The following NBEAL2 variants were observed in gnomAD, a reference collection of about 807,000 sequenced individuals.
NBEAL2 encodes the protein neurobeachin like 2, also known as neurobeachin-like protein 2.
In NBEAL2, 160 loss-of-function variants were observed where a neutral mutation model predicts 299.8. That is an observed-to-expected ratio of 0.53 (90% CI 0.47 to 0.61). NBEAL2 has a LOEUF of 0.61. Ranked by LOEUF, NBEAL2 falls within the 20% of genes least tolerant of loss-of-function variation. NBEAL2 has a pLI of 0.00. For synonymous variants in NBEAL2, 1,493 were observed against 1,542.3 expected, an observed-to-expected ratio of 0.97 and a Z score of 0.75; for missense variants, 3,112 against 3,649.0, an observed-to-expected ratio of 0.85 and a Z score of 3.79.
In NBEAL2 at chr3:47,008,330, G is replaced by A. The variant is rs1018503662; in HGVS notation, c.7767G>A (p.Ala2589=). The change falls in exon 51 of 54, where the codon GCG becomes GCA. Residue 2589 remains alanine, a synonymous_variant. Transcript: ENST00000450053. The part of the protein sequence containing the change: ...IHTVRRGQFV[A]ALRPLGATFP... Reference sequence around the variant, plus strand: ...CTGTACGCCGCGGACAGTTTGTAGCGGCACTACGGCCTCTGGGTGCCACAT... The same window carrying A: ...CTGTACGCCGCGGACAGTTTGTAGCAGCACTACGGCCTCTGGGTGCCACAT... The A allele has an allele frequency of 9.3e-6, 15 of 1,613,168 alleles. No individual in the cohort carries two copies. Among genetic ancestry groups the A allele is most frequent in the African/African-American group, 8.0e-5 (6 of 74,928 alleles).
chr3:46,997,185 G>A, intron 18 of NBEAL2, 74 bp from the exon 19 acceptor site: 2 of 1,584,846 alleles, frequency 1.3e-6, no homozygotes, highest in South Asian at 2.2e-5. Context: ...TTCCTTTCTG[G>A]GTGGTCTGCT....
chr3:46,989,630 C>G lies in NBEAL2; in HGVS notation c.556+37C>G, dbSNP rs747817191. The G allele has an allele frequency of 2.3e-5, 35 of 1,529,418 alleles. No homozygotes were observed. The East Asian group carries it at 8.5e-4, about 37-fold the overall frequency. 94.7% of individuals were successfully genotyped at this position (1,529,418 alleles called of 1,614,324 possible). On this transcript the variant is annotated intron_variant, in intron 6 of 53. Coordinates refer to ENST00000450053, the MANE Select transcript of NBEAL2 (RefSeq NM_015175.3). This position sits in a 1 kb window ranked among gnomAD's most constrained non-coding sequence, Gnocchi z 5.5. The stretch of plus-strand genomic sequence containing the variant: ...CCCCTGCCCCCACTTGGCTCCACCC[C>G]CAAACCTAGGCCCCTTCCTGTCGTT...
At position 47,002,687 on chromosome 3, in the gene NBEAL2, G is replaced by A; in HGVS notation, c.5344G>A (p.Gly1782Arg). Residue 1782 changes from glycine to arginine, a missense_variant, in exon 33 of 54, where the codon GGG (glycine) becomes AGG (arginine). Coordinates refer to ENST00000450053, the MANE Select transcript of NBEAL2 (RefSeq NM_015175.3). Reference sequence around the variant, plus strand: ...TGCGCAGAGGCGGGCGCGCCTGGAGGGGCTACGCTACACGGCAGTGCTGAA... The same window carrying A: ...TGCGCAGAGGCGGGCGCGCCTGGAGAGGCTACGCTACACGGCAGTGCTGAA... The part of the protein sequence containing the change: ...EPAQRRARLE[G>R]LRYTAVLKQQ... 1 of 1,605,116 alleles carries A rather than the reference G, an allele frequency of 6.2e-7. No homozygotes were observed. Among genetic ancestry groups the A allele is most frequent in the South Asian group, 1.1e-5 (1 of 90,090 alleles).
At position 47,004,181 on chromosome 3, in the gene NBEAL2, G is replaced by C; in HGVS notation, c.5986G>C (p.Ala1996Pro). The C allele has an allele frequency of 6.2e-7, 1 of 1,613,758 alleles. No homozygotes were observed. The highest frequency in any genetic ancestry group is 8.5e-7 in the Non-Finnish European group (1 of 1,179,818). The change falls in exon 37 of 54, where the codon GCC becomes CCC. Residue 1996 changes from alanine (A) to proline (P), a missense_variant. Physicochemically the swap from Ala to Pro is conservative, Grantham distance 27. This residue lies in a region of NBEAL2 where 521 missense variants were observed against 729.6 expected (regional missense o/e 0.71). Transcript: ENST00000450053. This position sits in a 1 kb window ranked among gnomAD's most constrained non-coding sequence, Gnocchi z 5.0. ...SALELFFIDQ[A>P]NYFLNFPCKV... ...ACTTGAGCTCTTCTTTATCGATCAG[G>C]CCAACTACTTCCTCAACTTCCCATG...
rs1330428779 is a variant in NBEAL2, at chr3:46,997,659, CA to C, written c.2924del (p.Gln975ArgfsTer20). ...MVNQESLVQC[Q>X]GPAIIGALLR... ...GAACCAAGAGAGCCTGGTGCAGTGCCAGGGGCCTGCCATCATCGGGGCCCTC... is the reference window on the plus strand; with the variant it reads ...GAACCAAGAGAGCCTGGTGCAGTGCCGGGGCCTGCCATCATCGGGGCCCTC... On this transcript the variant is annotated frameshift_variant, in exon 20 of 54. Transcript: ENST00000450053. LOFTEE classifies it high-confidence loss of function. 6.4e-7 allele frequency: 1 copy of C among 1,571,500 alleles called. No individual in the cohort carries two copies. Among genetic ancestry groups the C allele is most frequent in the Non-Finnish European group, 8.7e-7 (1 of 1,154,342 alleles).
In NBEAL2 at chr3:46,989,648, C is replaced by G; in HGVS notation, c.556+55C>G. On this transcript the variant is annotated intron_variant, in intron 6 of 53. Coordinates refer to ENST00000450053, the MANE Select transcript of NBEAL2 (RefSeq NM_015175.3). The surrounding 1 kb of genome is among the most constrained non-coding windows in gnomAD (Gnocchi z 5.5). ...TCCACCCCCAAACCTAGGCCCCTTC[C>G]TGTCGTTCCTTGATCCTGCCATACA... The G allele has an allele frequency of 6.8e-7, 1 of 1,468,134 alleles. No individual in the cohort carries two copies. The highest frequency in any genetic ancestry group is 1.2e-5 in the South Asian group (1 of 82,382). 90.9% of individuals were successfully genotyped at this position (1,468,134 alleles called of 1,614,324 possible). A position where few individuals can be genotyped will look rare whatever the true frequency, so the allele number is the denominator to read the frequency against.
At chr3:46,985,599 CTG>C (rs1163984346) in intron 1 of NBEAL2, among the ~76,000 whole-genome samples, 1 of 152,236 alleles carries the variant, frequency 6.6e-6, no homozygotes, top group Non-Finnish European at 1.5e-5. Context: ...GTTGGGGTCT[CTG>C]TGGTGGTGCA....
In NBEAL2 at chr3:46,997,623, G is replaced by T. The variant is rs368638331; in HGVS notation, c.2887G>T (p.Gly963Cys). ...GCTGATGCTGCGGAACTTCCTTCAG[G>T]GTCACATGGTGAACCAAGAGAGCCT... is the stretch of plus-strand genomic sequence containing the variant. ...FLLMLRNFLQ[G>C]HMVNQESLVQ... is the part of the protein sequence containing the mutation. The change falls in exon 20 of 54, where the codon GGT becomes TGT. Residue 963 changes from glycine to cysteine, a missense_variant. Coordinates refer to ENST00000450053, the MANE Select transcript of NBEAL2 (RefSeq NM_015175.3). 5.2e-5 allele frequency: 83 copies of T among 1,597,308 alleles called. No individual in the cohort carries two copies. Among genetic ancestry groups the T allele is most frequent in the Non-Finnish European group, 7.1e-5 (83 of 1,168,062 alleles).
chr3:46,991,162 T>C lies in NBEAL2; in HGVS notation c.557-57T>C. On this transcript the variant is annotated intron_variant, in intron 6 of 53. Coordinates refer to ENST00000450053, the MANE Select transcript of NBEAL2 (RefSeq NM_015175.3). This position sits in a 1 kb window ranked among gnomAD's most constrained non-coding sequence, Gnocchi z 6.2. ...GGCACTCACCTCTTGTGCAGCCCCC[T>C]GGGTCCATAGCCCTGCAACCTTGGT... 6.8e-7 allele frequency: 1 copy of C among 1,475,040 alleles called. No individual in the cohort carries two copies. The highest frequency in any genetic ancestry group is 9.3e-7 in the Non-Finnish European group (1 of 1,073,868). 91.4% of individuals were successfully genotyped at this position (1,475,040 alleles called of 1,614,324 possible).
In NBEAL2 at chr3:46,995,772, G is replaced by T. The variant is rs2036451573; in HGVS notation, c.1957G>T (p.Val653Leu). 3 of 1,613,650 alleles carry T rather than the reference G, an allele frequency of 1.9e-6. No individual in the cohort carries two copies. The highest frequency in any genetic ancestry group is 1.7e-5 in the Admixed American group (1 of 60,000). ...EAFFTAAGTL[V>L]VAVCTRKEYL... Reference sequence around the variant, plus strand: ...CTTCTTCACGGCGGCCGGGACCCTGGTGGTGGCTGTGTGCACACGGAAGGA... The same window carrying T: ...CTTCTTCACGGCGGCCGGGACCCTGTTGGTGGCTGTGTGCACACGGAAGGA... Residue 653 changes from valine to leucine, a missense_variant, in exon 14 of 54, where the codon GTG (valine) becomes TTG (leucine). Physicochemically the swap from Val to Leu is conservative, Grantham distance 32. This residue lies in a region of NBEAL2 where 2,243 missense variants were observed against 2,538.1 expected (regional missense o/e 0.88). Transcript: ENST00000450053.
chr3:46,979,859 G>C lies in NBEAL2; in HGVS notation c.-3G>C, dbSNP rs1366540100. 12 of 467,098 alleles carry C rather than the reference G, an allele frequency of 2.6e-5. No individual in the cohort carries two copies. The highest frequency in any genetic ancestry group is 4.6e-5 in the Non-Finnish European group (12 of 259,916). 28.9% of individuals were successfully genotyped at this position (467,098 alleles called of 1,614,324 possible). A position where few individuals can be genotyped will look rare whatever the true frequency, so the allele number is the denominator to read the frequency against. ...CGCAGCAGGGCCGGAGCCGGGCCGGGCCATGGCCGCCTCGGAGCGGCTGTA... is the reference window on the plus strand; with the variant it reads ...CGCAGCAGGGCCGGAGCCGGGCCGGCCCATGGCCGCCTCGGAGCGGCTGTA... On this transcript the variant is annotated 5_prime_UTR_variant, in exon 1 of 54. Coordinates refer to ENST00000450053, the MANE Select transcript of NBEAL2 (RefSeq NM_015175.3).
chr3:46,994,289 T>TC (rs947471553), intron 11 of NBEAL2, among the ~76,000 whole-genome samples, 166 bp from the exon 12 acceptor site: 3 of 151,506 alleles, frequency 2.0e-5, no homozygotes, highest in African/African-American at 2.4e-5. Context: ...TGTACTCACG[T>TC]CCCCCCCATC....
At chr3:46,984,240 A>G (rs571131583) in intron 1 of NBEAL2, among the ~76,000 whole-genome samples, 1 of 152,110 alleles carries the variant, frequency 6.6e-6, no homozygotes, top group African/African-American at 2.4e-5. Flanking sequence ...TGGGAGGCGG[A>G]GCTTGCAGTG....
intron 22 of NBEAL2, 38 bp from the exon 23 acceptor site, chr3:46,998,679 C>G: frequency 6.4e-7 from 1 of 1,557,586 alleles, no homozygotes; most frequent in Non-Finnish European, 8.7e-7. Flanking sequence ...CCCCGCCTTT[C>G]TTTGGGACCT....
In NBEAL2 at chr3:46,998,840, C is replaced by A; in HGVS notation, c.3345C>A (p.Thr1115=). 1 of 1,581,368 alleles carries A rather than the reference C, an allele frequency of 6.3e-7. No homozygotes were observed. The highest frequency in any genetic ancestry group is 2.3e-5 in the East Asian group (1 of 43,180). ...LSADDVQVTQ[T]MLSFLAATGD... is the part of the protein sequence containing the mutation. ...CAGATGACGTGCAGGTCACGCAGAC[C>A]ATGCTGAGCTTTTTGGCGGCCACAG... Residue 1115 remains threonine (T), a synonymous_variant, in exon 23 of 54, where the codon ACC becomes ACA. Coordinates refer to ENST00000450053, the MANE Select transcript of NBEAL2 (RefSeq NM_015175.3).
rs765594960 is a variant in NBEAL2 at position 46,989,091 on chromosome 3, G to A, written c.276G>A (p.Leu92=). 1.2e-6 allele frequency: 2 copies of A among 1,613,782 alleles called. No individual in the cohort carries two copies. The highest frequency in any genetic ancestry group is 3.3e-5 in the Admixed American group (2 of 59,992). ...LKLFIILCRN[L]ENIEAGRGQV... is the part of the protein sequence containing the mutation. ...TCATCATTGACTCCCCCAGGAACCT[G>A]GAGAACATAGAGGCAGGCCGGGGCC... Residue 92 remains leucine, a synonymous_variant, in exon 4 of 54, where the codon CTG becomes CTA. Coordinates refer to ENST00000450053, the MANE Select transcript of NBEAL2 (RefSeq NM_015175.3). This position sits in a 1 kb window ranked among gnomAD's most constrained non-coding sequence, Gnocchi z 5.5.
In NBEAL2 at chr3:46,989,367, G is replaced by A. The variant is rs2107294763; in HGVS notation, c.459G>A (p.Arg153=). ...TCTTTGACCCTTACCAAACCTGGCG[G>A]CGCCAGCGCAGTGGGTGAGACCCAG... ...EGLFDPYQTW[R]RQRSGEVISS... Residue 153 remains arginine (R), a synonymous_variant, in exon 5 of 54, where the codon CGG becomes CGA. Coordinates refer to ENST00000450053, the MANE Select transcript of NBEAL2 (RefSeq NM_015175.3). This position sits in a 1 kb window ranked among gnomAD's most constrained non-coding sequence, Gnocchi z 5.5. 2 of 1,579,060 alleles carry A rather than the reference G, an allele frequency of 1.3e-6. No individual in the cohort carries two copies. Among genetic ancestry groups the A allele is most frequent in the East Asian group, 4.7e-5 (2 of 42,946 alleles).
chr3:46,994,397 T>G, intron 11 of NBEAL2, 58 bp from the exon 12 acceptor site: 2 of 1,466,998 alleles, frequency 1.4e-6, no homozygotes, highest in Non-Finnish European at 1.9e-6. Context: ...CCAGGGGGTC[T>G]GAGTTTGCCC....
At position 46,991,969 on chromosome 3, in the gene NBEAL2, G is replaced by A; in HGVS notation, c.1032+23G>A. 1 of 1,567,606 alleles carries A rather than the reference G, an allele frequency of 6.4e-7. No homozygotes were observed. Among genetic ancestry groups the A allele is most frequent in the African/African-American group, 1.4e-5 (1 of 73,948 alleles). ...AAGGTGGGTAGGGCCCAGCCTGGGGGTGAGGGTCTGGAAGCCAGAGGCTAG... is the reference window on the plus strand; with the variant it reads ...AAGGTGGGTAGGGCCCAGCCTGGGGATGAGGGTCTGGAAGCCAGAGGCTAG... On this transcript the variant is annotated intron_variant, in intron 9 of 53. Coordinates refer to ENST00000450053, the MANE Select transcript of NBEAL2 (RefSeq NM_015175.3). This position sits in a 1 kb window ranked among gnomAD's most constrained non-coding sequence, Gnocchi z 6.2.
Sources: gnomAD v4.1 joint callset for allele counts (sites outside exome capture counted in the v4.1 genomes callset) on GRCh38, gnomAD v4.1.1 for gene constraint, gnomAD v4.1.1 regional missense constraint, Gnocchi (gnomAD v3.1) non-coding constraint, MANE v1.5 for transcripts, NCBI Gene and HGNC (gene_info 2026-07-23, HGNC 2026-07-21) for gene names.